Variants in ENTPD1 observed in about 807,000 individuals in gnomAD.
The protein encoded by ENTPD1 is ectonucleoside triphosphate diphosphohydrolase 1.
ENTPD1 carries 33 observed loss-of-function variants against 57.0 expected under a neutral mutation model. The ratio of observed to expected loss-of-function variants is 0.58; its 90% confidence interval spans 0.44 to 0.77. The LOEUF is 0.77. ENTPD1 is among the 30% of genes least tolerant of loss of function. The pLI, the probability that ENTPD1 is intolerant of heterozygous loss-of-function variation, is 0.00. For synonymous variants in ENTPD1, 202 were observed against 218.8 expected, an observed-to-expected ratio of 0.92 and a Z score of 0.68; for missense variants, 501 against 603.4, an observed-to-expected ratio of 0.83 and a Z score of 1.78.
rs148549754 is a variant in ENTPD1 at position 95,775,970 on chromosome 10, T to C, written c.16+19715T>C. On this transcript the variant is annotated intron_variant, in intron 1 of 9. Transcript: ENST00000371205. ...GAGACTAGGATTGCAACCCCTACTT[T>C]TTTTTGCTTTCCATTTGCTTGTTAG... 7.0e-3 allele frequency among the ~76,000 whole-genome samples: 1,064 copies of C among 152,324 alleles called. 13 individuals are homozygous for C. The highest frequency in any genetic ancestry group is 0.024 in the African/African-American group (1,000 of 41,562).
intron 1 of ENTPD1, 188 bp downstream of exon 1, chr10:95,756,443 A>G (rs2098024822): frequency 3.0e-6 from 2 of 665,378 alleles, no homozygotes; most frequent in Non-Finnish European, 2.6e-6. Context: ...AGCAGAGTCC[A>G]GGGTTGCAGT....
At chr10:95,815,140 G>A (rs1311693601) in intron 1 of ENTPD1, among the ~76,000 whole-genome samples, 1 of 152,196 alleles carries the variant, frequency 6.6e-6, no homozygotes, top group African/African-American at 2.4e-5. Context: ...AGAAATATGG[G>A]GTTGGGGTAG....
intron 2 of ENTPD1, among the ~76,000 whole-genome samples, chr10:95,838,704 G>A (rs776210483): frequency 6.6e-6 from 1 of 152,224 alleles, no homozygotes; most frequent in Non-Finnish European, 1.5e-5. Flanking sequence ...CTGGGTGGTG[G>A]TTATATGGAT....
intron 1 of ENTPD1, among the ~76,000 whole-genome samples, chr10:95,762,677 A>G (rs1452703823): frequency 6.6e-6 from 1 of 151,986 alleles, no homozygotes; most frequent in African/African-American, 2.4e-5. Flanking sequence ...AGTTTTTTCC[A>G]TATGTAGGAT....
At chr10:95,728,213 AC>A (rs1431329628) in intron 1 of ENTPD1, among the ~76,000 whole-genome samples, 1 of 152,232 alleles carries the variant, frequency 6.6e-6, no homozygotes, top group Non-Finnish European at 1.5e-5. Flanking sequence ...TTAATAGCCT[AC>A]TATTGGCCAG....
rs557821903 is a variant in ENTPD1 at position 95,713,315 on chromosome 10, A to AT, written c.37+1331dup. The stretch of plus-strand genomic sequence containing the variant: ...ATCCTTTAAATTAGAAAGAACTTTA[A>AT]TTTTTTTTTCTTAAAAAGAAGATTT... On this transcript the variant is annotated intron_variant, in intron 1 of 9. Transcript: ENST00000453258. Among the ~76,000 whole-genome samples the AT allele has an allele frequency of 8.2e-4, 125 of 151,804 alleles. 1 individual carries two copies. The highest frequency in any genetic ancestry group is 1.7e-3 in the Admixed American group (26 of 15,242).
At position 95,864,756 on chromosome 10, in the gene ENTPD1, G is replaced by A. The variant is rs1427103853; in HGVS notation, c.1221G>A (p.Lys407=). Residue 407 remains lysine (K), a synonymous_variant, in exon 9 of 10, where the codon AAG becomes AAA. Transcript: ENST00000371205. The stretch of plus-strand genomic sequence containing the variant: ...CATCTTACGCTGGAGTAAAGGAGAA[G>A]TACCTGAGTGAATACTGCTTTTCTG... The part of the protein sequence containing the change: ...IKTSYAGVKE[K]YLSEYCFSGT... The A allele has an allele frequency of 6.2e-7, 1 of 1,614,108 alleles. No individual in the cohort carries two copies. The highest frequency in any genetic ancestry group is 8.5e-7 in the Non-Finnish European group (1 of 1,180,022).
At position 95,756,175 on chromosome 10, in the gene ENTPD1, C is replaced by T. The variant is rs2098022603; in HGVS notation, c.-65C>T. 1 of 1,568,160 alleles carries T rather than the reference C, an allele frequency of 6.4e-7. No homozygotes were observed. The highest frequency in any genetic ancestry group is 8.6e-7 in the Non-Finnish European group (1 of 1,156,168). The stretch of plus-strand genomic sequence containing the variant: ...GAGGACCTCTCTCACGGAGACGGAC[C>T]ACAGCAAGCAGAGGCTGGGGGGGGG... On this transcript the variant is annotated 5_prime_UTR_variant, in exon 1 of 10. Coordinates refer to ENST00000371205, the MANE Select transcript of ENTPD1 (RefSeq NM_001776.6).
At chr10:95,717,541 A>G (rs995262877) in intron 1 of ENTPD1, among the ~76,000 whole-genome samples, 1 of 151,982 alleles carries the variant, frequency 6.6e-6, no homozygotes, top group Non-Finnish European at 1.5e-5. Context: ...CCTAATTTGT[A>G]TTCTAGCGAG....
intron 7 of ENTPD1, among the ~76,000 whole-genome samples, chr10:95,848,656 C>A (rs1444691372): frequency 6.6e-6 from 1 of 152,150 alleles, no homozygotes; most frequent in Non-Finnish European, 1.5e-5. Flanking sequence ...ACATGCAAAG[C>A]CAAAGCAGGA....
At chr10:95,824,286 C>T (rs1272440091) in intron 2 of ENTPD1, among the ~76,000 whole-genome samples, 1 of 152,120 alleles carries the variant, frequency 6.6e-6, no homozygotes, top group African/African-American at 2.4e-5. Flanking sequence ...ACCATGGAGG[C>T]CTGGGAATAC....
chr10:95,850,604 C>T (rs537172624), intron 7 of ENTPD1, among the ~76,000 whole-genome samples: 1 of 152,254 alleles, frequency 6.6e-6, no homozygotes, highest in African/African-American at 2.4e-5. Flanking sequence ...TATCAACTGG[C>T]TCACAAAAAT....
chr10:95,789,990 A>G (rs2098196718), intron 1 of ENTPD1, among the ~76,000 whole-genome samples: 1 of 152,216 alleles, frequency 6.6e-6, no homozygotes, highest in South Asian at 2.1e-4. Flanking sequence ...TGTGTTTAGT[A>G]CAACACTGTA....
At chr10:95,758,002 CAAAAAAA>C (rs57407553) in intron 1 of ENTPD1, among the ~76,000 whole-genome samples, 2,613 of 26,160 alleles carry the variant, frequency 0.1, 90 homozygotes, top group African/African-American at 0.23. Context: ...GACACTGTCT[CAAAAAAA>C]AAAAAAAAAA....
chr10:95,847,658 G>A lies in ENTPD1; in HGVS notation c.1026G>A (p.Gln342=), dbSNP rs553887215. The change falls in exon 7 of 10, where the codon CAG becomes CAA. Residue 342 remains glutamine, a synonymous_variant. Coordinates refer to ENST00000371205, the MANE Select transcript of ENTPD1 (RefSeq NM_001776.6). ...ACACCAGTTACTGCCCTTACTCCCAGTGTGCCTTCAATGGGATTTTCTTGC... is the reference window on the plus strand; with the variant it reads ...ACACCAGTTACTGCCCTTACTCCCAATGTGCCTTCAATGGGATTTTCTTGC... The part of the protein sequence containing the change: ...LFNTSYCPYS[Q]CAFNGIFLPP... 3 of 1,614,164 alleles carry A rather than the reference G, an allele frequency of 1.9e-6. No homozygotes were observed. The highest frequency in any genetic ancestry group is 2.2e-5 in the South Asian group (2 of 91,082).
chr10:95,757,687 C>T (rs1055527655), intron 1 of ENTPD1, among the ~76,000 whole-genome samples: 1 of 152,056 alleles, frequency 6.6e-6, no homozygotes, highest in Admixed American at 6.6e-5. Flanking sequence ...TTTGGTGACA[C>T]CAGTCACAGC....
chr10:95,742,033 T>G (rs746119125), intron 1 of ENTPD1, among the ~76,000 whole-genome samples: 1 of 152,136 alleles, frequency 6.6e-6, no homozygotes. Flanking sequence ...TAGACTGTTC[T>G]GGTATTGTGG....
At chr10:95,818,618 A>G (rs1242232309) in intron 1 of ENTPD1, among the ~76,000 whole-genome samples, 1 of 152,188 alleles carries the variant, frequency 6.6e-6, no homozygotes, top group Non-Finnish European at 1.5e-5. Context: ...ACTATAGAAG[A>G]AGGTGGGTCT....
At chr10:95,816,417 A>C (rs1209671623) in intron 1 of ENTPD1, among the ~76,000 whole-genome samples, 1 of 152,180 alleles carries the variant, frequency 6.6e-6, no homozygotes. Context: ...TATAATAGTG[A>C]CTGTGAGTGT....
Sources: gnomAD v4.1 joint callset for allele counts (sites outside exome capture counted in the v4.1 genomes callset) on GRCh38, gnomAD v4.1.1 for gene constraint, MANE v1.5 for transcripts, NCBI Gene and HGNC (gene_info 2026-07-23, HGNC 2026-07-21) for gene names.